Variants in STRBP observed in about 807,000 individuals in gnomAD.
STRBP encodes spermatid perinuclear RNA-binding protein.
In STRBP, 13 loss-of-function variants were observed where a neutral mutation model predicts 80.1. That is an observed-to-expected ratio of 0.16 (90% CI 0.11 to 0.26). STRBP has a LOEUF of 0.26. STRBP is among the 10% of genes least tolerant of loss of function. STRBP has a pLI of 1.00. For missense variants in STRBP, 485 were observed against 815.2 expected, an observed-to-expected ratio of 0.59 and a Z score of 4.93; for synonymous variants, 284 against 291.2, an observed-to-expected ratio of 0.98 and a Z score of 0.25.
rs1009222384 is a variant in STRBP at position 123,122,711 on chromosome 9, G to A, written c.*2886C>T. 3.0e-6 allele frequency: 3 copies of A among 1,006,050 alleles called. No individual in the cohort carries two copies. The Admixed American group carries it at 1.7e-4, about 56-fold the overall frequency. The allele number at this position is 1,006,050 out of a possible 1,614,324, so 62.3% of individuals were successfully genotyped here. A position where few individuals can be genotyped will look rare whatever the true frequency, so the allele number is the denominator to read the frequency against. ...CTGGCTAGGGGCCAGTCCCCGTGCA[G>A]AGGATATGGCTTCAAGGAGGACCCC... On this transcript the variant is annotated 3_prime_UTR_variant, in exon 19 of 19. Transcript: ENST00000348403.
At chr9:123,121,132 G>C (rs1175517136), downstream of STRBP, among the ~76,000 whole-genome samples, 3 of 152,164 alleles carry the variant, frequency 2.0e-5, no homozygotes, top group South Asian at 6.2e-4. Flanking sequence ...GTACTAGTCA[G>C]CTATACCTCA....
At chr9:123,167,280 G>A (rs1381194568) in intron 6 of STRBP, among the ~76,000 whole-genome samples, 5 of 151,636 alleles carry the variant, frequency 3.3e-5, no homozygotes, top group Admixed American at 3.3e-4. Flanking sequence ...AAGTTACAAT[G>A]GATTTTTTTT....
At chr9:123,217,691 T>A (rs1405749651) in intron 2 of STRBP, among the ~76,000 whole-genome samples, 1 of 152,256 alleles carries the variant, frequency 6.6e-6, no homozygotes, top group Non-Finnish European at 1.5e-5. Context: ...TTATTTTCAA[T>A]AAAGGCATTT....
At chr9:123,129,201 CA>C (rs1179995535) in intron 17 of STRBP, among the ~76,000 whole-genome samples, 1 of 151,790 alleles carries the variant, frequency 6.6e-6, no homozygotes, top group Non-Finnish European at 1.5e-5. Flanking sequence ...TACAGAAAAA[CA>C]AAAAATTAGC....
chr9:123,223,090 GATA>G (rs1407899806), intron 2 of STRBP, among the ~76,000 whole-genome samples: 1 of 145,700 alleles, frequency 6.9e-6, no homozygotes, highest in African/African-American at 2.5e-5. Context: ...TAGATAGATA[GATA>G]GATAAAAATG....
chr9:123,136,617 C>T lies in STRBP; in HGVS notation c.1498-102G>A. ...CTAAGAAGGAGGCTCAAAAATTCTACTTCAAAGCACTCAGGGGCTAGAATG... is the reference window on the plus strand; with the variant it reads ...CTAAGAAGGAGGCTCAAAAATTCTATTTCAAAGCACTCAGGGGCTAGAATG... On this transcript the variant is annotated intron_variant, in intron 14 of 18. Transcript: ENST00000348403. The surrounding 1 kb of genome is among the most constrained non-coding windows in gnomAD (Gnocchi z 4.2). 1 of 1,368,552 alleles carries T rather than the reference C, an allele frequency of 7.3e-7. No individual in the cohort carries two copies. The highest frequency in any genetic ancestry group is 9.8e-7 in the Non-Finnish European group (1 of 1,020,464). The allele number at this position is 1,368,552 out of a possible 1,614,324, so 84.8% of individuals were successfully genotyped here.
intron 16 of STRBP, 32 bp from the exon 17 acceptor site, chr9:123,133,000 G>A: frequency 6.2e-7 from 1 of 1,606,356 alleles, no homozygotes; most frequent in Non-Finnish European, 8.5e-7. Flanking sequence ...ATTACTGAAA[G>A]AAATAAGAAC....
rs190442391 is a variant in STRBP at position 123,181,360 on chromosome 9, C to T, written c.4-2133G>A. Among the ~76,000 whole-genome samples the T allele has an allele frequency of 3.9e-5, 6 of 152,296 alleles. No homozygotes were observed. The East Asian group carries it at 5.8e-4, about 15-fold the overall frequency. ...TGCTAAATTACCTAGTCCTGCACAC[C>T]GGCCACACCTGAGCAAAACTGCGTA... On this transcript the variant is annotated intron_variant, in intron 3 of 18. Coordinates refer to ENST00000348403, the MANE Select transcript of STRBP (RefSeq NM_018387.5).
intron 1 of STRBP, among the ~76,000 whole-genome samples, chr9:123,250,743 C>A (rs1045011172): frequency 1.3e-5 from 2 of 152,156 alleles, no homozygotes; most frequent in Non-Finnish European, 2.9e-5. Flanking sequence ...AGATTTTCAG[C>A]AAAAGGCTTT....
At chr9:123,160,229 T>C (rs573789662) in intron 8 of STRBP, 138 bp downstream of exon 8, 1 of 500,504 alleles carries the variant, frequency 2.0e-6, no homozygotes, top group South Asian at 5.9e-5. Flanking sequence ...GATGCTTTAT[T>C]TTTTTTTCAT....
chr9:123,232,778 G>A (rs988848423), intron 2 of STRBP, among the ~76,000 whole-genome samples: 2 of 152,192 alleles, frequency 1.3e-5, no homozygotes, highest in African/African-American at 4.8e-5. Flanking sequence ...GAGCCTTCTG[G>A]TTCTTGGTTC....
intron 1 of STRBP, among the ~76,000 whole-genome samples, chr9:123,251,702 T>C (rs1218822986): frequency 6.6e-6 from 1 of 152,246 alleles, no homozygotes; most frequent in Non-Finnish European, 1.5e-5. Flanking sequence ...GTAAAAGTCC[T>C]TTGTATGTCT....
intron 6 of STRBP, among the ~76,000 whole-genome samples, chr9:123,164,087 C>G (rs1451365544): frequency 6.6e-6 from 1 of 152,164 alleles, no homozygotes; most frequent in African/African-American, 2.4e-5. Flanking sequence ...CACTCTGTAG[C>G]CCAGCTGGAG....
Position 123,124,037 on chromosome 9 carries a change from A to T in STRBP, c.*1560T>A. 4 of 985,454 alleles carry T rather than the reference A, an allele frequency of 4.1e-6. No individual in the cohort carries two copies. Among genetic ancestry groups the T allele is most frequent in the Non-Finnish European group, 4.8e-6 (4 of 829,940 alleles). The allele number at this position is 985,454 out of a possible 1,614,324, so 61.0% of individuals were successfully genotyped here. ...AAAGACAAAAGACCAAGGAGAAGAAACAAACTAATCATTGTGTAATATATA... is the reference window on the plus strand; with the variant it reads ...AAAGACAAAAGACCAAGGAGAAGAATCAAACTAATCATTGTGTAATATATA... On this transcript the variant is annotated 3_prime_UTR_variant, in exon 19 of 19. Transcript: ENST00000348403.
rs765454303 is a variant in STRBP, at chr9:123,125,606, T to G, written c.2010A>C (p.Ser670=). The G allele has an allele frequency of 3.7e-6, 6 of 1,612,808 alleles. No homozygotes were observed. Among genetic ancestry groups the G allele is most frequent in the Non-Finnish European group, 4.2e-6 (5 of 1,179,564 alleles). Reference sequence around the variant, plus strand: ...TAGCTTCTGTCATTTGCTAAAAGAATGAGTAGTGGGGAACAGGATATGTTG... The same window carrying G: ...TAGCTTCTGTCATTTGCTAAAAGAAGGAGTAGTGGGGAACAGGATATGTTG... ...KFPTYPVPHY[S]FF The change falls in exon 19 of 19, where the codon TCA becomes TCC. Residue 670 remains serine (S), a synonymous_variant. Coordinates refer to ENST00000348403, the MANE Select transcript of STRBP (RefSeq NM_018387.5).
chr9:123,128,035 A>C (rs970271940), intron 18 of STRBP, among the ~76,000 whole-genome samples, 179 bp downstream of exon 18: 2 of 152,184 alleles, frequency 1.3e-5, no homozygotes, highest in Admixed American at 1.3e-4. Context: ...GAGAAGAGCA[A>C]CTCCAACCAA....
chr9:123,254,297 TAAAAACAC>T (rs1250685376), intron 1 of STRBP, among the ~76,000 whole-genome samples: 1 of 151,726 alleles, frequency 6.6e-6, no homozygotes, highest in African/African-American at 2.4e-5. Context: ...CCATCTCTAC[TAAAAACAC>T]AAAAACTTAG....
chr9:123,243,265 C>CAAA (rs1160280485), intron 1 of STRBP, among the ~76,000 whole-genome samples: 5 of 78,924 alleles, frequency 6.3e-5, no homozygotes, highest in Non-Finnish European at 1.1e-4. Context: ...ATCAATAAGA[C>CAAA]AAAAAAAAAA....
intron 11 of STRBP, among the ~76,000 whole-genome samples, chr9:123,152,949 GAAGGGT>G (rs1476511830): frequency 6.6e-6 from 1 of 152,196 alleles, no homozygotes; most frequent in Non-Finnish European, 1.5e-5. Context: ...GAAACTAGCT[GAAGGGT>G]AAATGGGATC....
Sources: allele counts gnomAD v4.1 joint callset (sites outside exome capture counted in the v4.1 genomes callset), GRCh38; gene constraint gnomAD v4.1.1; non-coding constraint Gnocchi (gnomAD v3.1); transcripts MANE v1.5; gene names NCBI Gene and HGNC (gene_info 2026-07-23, HGNC 2026-07-21).